Variants in MLC1 observed in about 807,000 individuals in gnomAD.
The protein encoded by MLC1 is modulator of VRAC current 1, also known as membrane protein MLC1.
A neutral mutation model predicts 44.7 loss-of-function variants in MLC1; 32 were observed. The observed-to-expected ratio is 0.72, with a 90% CI of 0.54 to 0.96. The LOEUF (loss-of-function observed/expected upper bound fraction) is 0.96, where lower values mean the gene tolerates loss of function less well. Among genes scored for constraint, MLC1 ranks in the 40% least tolerant of loss-of-function variants. The pLI is 0.00. For missense variants in MLC1, 459 were observed against 492.2 expected (o/e 0.93, Z 0.64); for synonymous variants, 190 against 213.0 (o/e 0.89, Z 0.94).
chr22:50,061,107 T>G lies in MLC1; in HGVS notation c.*476A>C, dbSNP rs989908761. 5.0e-6 allele frequency: 1 copy of G among 198,200 alleles called. No individual in the cohort carries two copies. The highest frequency in any genetic ancestry group is 5.3e-5 in the Admixed American group (1 of 18,978). 12.3% of individuals were successfully genotyped at this position (198,200 alleles called of 1,614,324 possible). A position where few individuals can be genotyped will look rare whatever the true frequency, so the allele number is the denominator to read the frequency against. On this transcript the variant is annotated 3_prime_UTR_variant, in exon 12 of 12. Coordinates refer to ENST00000311597, the MANE Select transcript of MLC1 (RefSeq NM_015166.4). ...CAGGTGCACCTTGCAGGGAAGTGGG[T>G]AAGATCCCACTGGGCTGACTGAGTA...
chr22:50,061,692 G>C, intron 11 of MLC1, 35 bp from the exon 12 acceptor site: 1 of 1,589,232 alleles, frequency 6.3e-7, no homozygotes, highest in Middle Eastern at 1.7e-4. Context: ...TACTTCACCA[G>C]GGCCACCTGT....
At chr22:50,078,250 C>G (rs1303420432) in intron 5 of MLC1, among the ~76,000 whole-genome samples, 1 of 151,736 alleles carries the variant, frequency 6.6e-6, no homozygotes, top group African/African-American at 2.4e-5. Flanking sequence ...CTCGGCCTCC[C>G]AAAGTGCTGA....
At chr22:50,070,480 C>T in intron 9 of MLC1, 47 bp downstream of exon 9, 1 of 1,527,910 alleles carries the variant, frequency 6.5e-7, no homozygotes, top group Non-Finnish European at 8.9e-7. Context: ...CAGGCCCTGG[C>T]CCCGCTCGGT....
chr22:50,080,258 GCA>G (rs1486454698), intron 4 of MLC1, 84 bp downstream of exon 4: 47 of 1,473,382 alleles, frequency 3.2e-5, no homozygotes, highest in Non-Finnish European at 4.4e-5. Flanking sequence ...CTGTGCGTGG[GCA>G]CACACACAAG....
intron 10 of MLC1, among the ~76,000 whole-genome samples, chr22:50,067,515 C>G (rs1419498467): frequency 1.2e-5 from 1 of 84,822 alleles, no homozygotes; most frequent in East Asian, 4.3e-4. Context: ...GGCAGTGACT[C>G]CATCCCCCTG....
At chr22:50,068,586 G>A (rs755972182) in intron 9 of MLC1, 31 bp from the exon 10 acceptor site, 89 of 1,610,728 alleles carry the variant, frequency 5.5e-5, no homozygotes, top group Middle Eastern at 3.4e-4. Context: ...GCAGGACCAC[G>A]GCCGGAGCCT....
At chr22:50,074,982 C>A (rs2061944213) in intron 7 of MLC1, among the ~76,000 whole-genome samples, 1 of 152,238 alleles carries the variant, frequency 6.6e-6, no homozygotes, top group South Asian at 2.1e-4. Flanking sequence ...TGCTATACTG[C>A]CACTGCAAAC....
intron 2 of MLC1, 102 bp downstream of exon 2, chr22:50,084,624 G>T: frequency 7.8e-7 from 1 of 1,281,780 alleles, no homozygotes. Flanking sequence ...TAGTCTGAGA[G>T]TTGCTCTCTC....
chr22:50,068,123 T>G (rs2061757521), intron 10 of MLC1, among the ~76,000 whole-genome samples: 1 of 152,340 alleles, frequency 6.6e-6, no homozygotes, highest in East Asian at 1.9e-4. Flanking sequence ...GCAGTTCTGA[T>G]GCAAATCCGA....
chr22:50,065,649 G>A (rs2061686399), intron 10 of MLC1, among the ~76,000 whole-genome samples: 1 of 152,214 alleles, frequency 6.6e-6, no homozygotes, highest in African/African-American at 2.4e-5. Context: ...AGACGGAGGT[G>A]CTCCCACCCG....
At chr22:50,062,609 G>A (rs554280342) in intron 11 of MLC1, among the ~76,000 whole-genome samples, 17 of 152,386 alleles carry the variant, frequency 1.1e-4, no homozygotes, top group South Asian at 4.1e-4. Context: ...GGGACTTAGC[G>A]GGCACTGGAG....
intron 7 of MLC1, among the ~76,000 whole-genome samples, chr22:50,075,463 G>C (rs1313541930): frequency 6.6e-6 from 1 of 152,188 alleles, no homozygotes; most frequent in Non-Finnish European, 1.5e-5. Context: ...TGTAATCCTA[G>C]CACTTTGGGA....
rs2076129 is a variant in MLC1 at position 50,070,243 on chromosome 22, A to T, written c.771+284T>A. On this transcript the variant is annotated intron_variant, in intron 9 of 11. Coordinates refer to ENST00000311597, the MANE Select transcript of MLC1 (RefSeq NM_015166.4). ...ACAATCGACCAGCCTTAGGAGGTGC[A>T]GATGATGCTCAGACACTGGTCTCCT... Among the ~76,000 whole-genome samples the T allele has an allele frequency of 0.1, 15,663 of 152,276 alleles. 965 individuals are homozygous for T. The highest frequency in any genetic ancestry group is 0.32 in the East Asian group (1,680 of 5,176).
At chr22:50,077,554 C>T (rs770379864) in intron 5 of MLC1, 52 bp from the exon 6 acceptor site, 15 of 1,442,102 alleles carry the variant, frequency 1.0e-5, no homozygotes, top group East Asian at 2.3e-5. Context: ...CTCACGCCAC[C>T]GCGCTTCAGC....
chr22:50,084,071 A>T (rs536800408), intron 2 of MLC1, among the ~76,000 whole-genome samples: 13 of 152,240 alleles, frequency 8.5e-5, no homozygotes, highest in African/African-American at 2.9e-4. Flanking sequence ...CACAGCCTGG[A>T]TCTCATTCTC....
intron 6 of MLC1, 82 bp downstream of exon 6, chr22:50,077,319 G>T: frequency 7.9e-7 from 1 of 1,261,290 alleles, no homozygotes; most frequent in Non-Finnish European, 1.1e-6. Context: ...GGCCCTCCGA[G>T]GGTGACGCTG....
intron 10 of MLC1, among the ~76,000 whole-genome samples, chr22:50,068,036 T>C (rs2061755502): frequency 6.6e-6 from 1 of 152,194 alleles, no homozygotes. Flanking sequence ...GAAGTCGTGT[T>C]GGAGATAAGC....
intron 5 of MLC1, 125 bp downstream of exon 5, chr22:50,079,793 G>C: frequency 1.3e-6 from 1 of 797,364 alleles, no homozygotes; most frequent in Non-Finnish European, 2.2e-6. Context: ...CTCAACTTTA[G>C]TCAAACTCAC....
At position 50,068,516 on chromosome 22, in the gene MLC1, G is replaced by A; in HGVS notation, c.811C>T (p.Leu271=). 6.2e-7 allele frequency: 1 copy of A among 1,613,884 alleles called. No individual in the cohort carries two copies. The highest frequency in any genetic ancestry group is 8.5e-7 in the Non-Finnish European group (1 of 1,179,856). ...LIAISSLTSP[L]LFTASGYLSF... is the part of the protein sequence containing the mutation. ...AGATATCCAGAGGCTGTGAACAGCA[G>A]CGGAGACGTGAGGCTGCTTATGGCA... The change falls in exon 10 of 12, where the codon CTG becomes TTG. Residue 271 remains leucine (L), a synonymous_variant. Transcript: ENST00000311597.
Sources: gnomAD v4.1 joint callset for allele counts (sites outside exome capture counted in the v4.1 genomes callset) on GRCh38, gnomAD v4.1.1 for gene constraint, MANE v1.5 for transcripts, NCBI Gene and HGNC (gene_info 2026-07-23, HGNC 2026-07-21) for gene names.